The following RPSA2 variants were observed in gnomAD, a reference collection of about 807,000 sequenced individuals.
The protein encoded by RPSA2 is small ribosomal subunit protein uS2B.
chr19:23,833,992 C>T, the RPSA2 span, among the ~76,000 whole-genome samples: 81 of 151,810 alleles, frequency 5.3e-4, no homozygotes, highest in Admixed American at 1.4e-3. Context: ...TTATAAAACA[C>T]CAAAGAGTTT....
At chr19:23,868,049 C>T in the RPSA2 span, among the ~76,000 whole-genome samples, 1 of 152,040 alleles carries the variant, frequency 6.6e-6, no homozygotes, top group African/African-American at 2.4e-5. Flanking sequence ...CGGAATTCAC[C>T]GATGTTTGTT....
the RPSA2 span, among the ~76,000 whole-genome samples, chr19:23,845,272 TA>T: frequency 0.29 from 4,694 of 15,974 alleles, 118 homozygotes; most frequent in Middle Eastern, 0.5. Flanking sequence ...TGTTCTGATT[TA>T]TGTTTTTTTT....
chr19:23,818,147 T>G, the RPSA2 span: 1 of 152,228 alleles, frequency 6.6e-6, no homozygotes, highest in East Asian at 1.9e-4. Flanking sequence ...GCAAGTTTTC[T>G]TCATTTGGCA....
At chr19:23,770,641 G>C in the RPSA2 span, among the ~76,000 whole-genome samples, 1 of 152,086 alleles carries the variant, frequency 6.6e-6, no homozygotes, top group Non-Finnish European at 1.5e-5. Flanking sequence ...AGATTGTGAC[G>C]AATCACCGGT....
chr19:23,832,671 C>T, the RPSA2 span: 2 of 1,487,754 alleles, frequency 1.3e-6, no homozygotes, highest in Non-Finnish European at 1.8e-6. Flanking sequence ...TTCTATGGTT[C>T]ATTACCCTAA....
At chr19:23,848,708 C>T in the RPSA2 span, among the ~76,000 whole-genome samples, 8 of 152,232 alleles carry the variant, frequency 5.3e-5, no homozygotes, top group Middle Eastern at 3.4e-3. Context: ...ATGTGATGAT[C>T]GAGACTCATT....
At chr19:23,773,077 G>C in the RPSA2 span, among the ~76,000 whole-genome samples, 8 of 1,260 alleles carry the variant, frequency 6.3e-3, no homozygotes, top group African/African-American at 0.018. Context: ...CTCCTCCTGT[G>C]TGTATGTGTG....
chr19:23,833,161 G>A, the RPSA2 span: 322 of 1,195,544 alleles, frequency 2.7e-4, no homozygotes, highest in East Asian at 1.5e-3. Flanking sequence ...ATGTGCCAAT[G>A]CCTTTTCCTG....
At chr19:23,824,966 GTTTTGT>G in the RPSA2 span, among the ~76,000 whole-genome samples, 4 of 150,472 alleles carry the variant, frequency 2.7e-5, no homozygotes, top group Admixed American at 6.6e-5. Context: ...TGTTTGTTTT[GTTTTGT>G]TTTTGTTTTT....
chr19:23,858,692 G>C, the RPSA2 span, among the ~76,000 whole-genome samples: 1 of 147,264 alleles, frequency 6.8e-6, no homozygotes, highest in Non-Finnish European at 1.5e-5. Flanking sequence ...AATAGGAAAG[G>C]AGCTACATGT....
chr19:23,774,660 A>G, the RPSA2 span, among the ~76,000 whole-genome samples: 2 of 152,124 alleles, frequency 1.3e-5, no homozygotes, highest in East Asian at 3.9e-4. Context: ...CTTCCCTCAT[A>G]TGAGAGATTG....
At chr19:23,817,122 C>T in the RPSA2 span, among the ~76,000 whole-genome samples, 3 of 152,172 alleles carry the variant, frequency 2.0e-5, no homozygotes, top group Non-Finnish European at 4.4e-5. Context: ...TGGCTCACGC[C>T]TGTAATCCCA....
chr19:23,838,008 C>A, the RPSA2 span, among the ~76,000 whole-genome samples: 105 of 152,218 alleles, frequency 6.9e-4, 3 homozygotes, highest in South Asian at 0.021. Flanking sequence ...AGTGGGCACC[C>A]TTGTCTTGTT....
chr19:23,810,266 C>T, the RPSA2 span, among the ~76,000 whole-genome samples: 2 of 151,776 alleles, frequency 1.3e-5, no homozygotes, highest in East Asian at 1.9e-4. Context: ...TGGTGGCAGG[C>T]GCCTGTAGTC....
the RPSA2 span, among the ~76,000 whole-genome samples, chr19:23,761,906 T>TCTCTCTCTCTCTCTCTCTCTCTCTCTC: frequency 5.4e-5 from 5 of 92,100 alleles, 1 homozygote; most frequent in Admixed American, 1.4e-4. Context: ...ACGTAATTCT[T>TCTCTCTCTCTCTCTCTCTCTCTCTCTC]TCTTTCTTTC....
the RPSA2 span, among the ~76,000 whole-genome samples, chr19:23,782,853 G>A: frequency 6.6e-6 from 1 of 152,046 alleles, no homozygotes; most frequent in Non-Finnish European, 1.5e-5. Context: ...CTACCCACAA[G>A]AGACATTGTG....
At chr19:23,781,173 C>A in the RPSA2 span, among the ~76,000 whole-genome samples, 148,702 of 152,032 alleles carry the variant, frequency 0.98, 72,817 homozygotes, top group Middle Eastern at 1. Context: ...CAGGGTTTCA[C>A]CATGTTGGCC....
the RPSA2 span, among the ~76,000 whole-genome samples, chr19:23,804,321 G>GT: frequency 3.5e-3 from 1 of 282 alleles, no homozygotes; most frequent in East Asian, 0.5. Flanking sequence ...TTTTGGAGAC[G>GT]AGTCTTGCTC....
the RPSA2 span, among the ~76,000 whole-genome samples, chr19:23,822,792 A>C: frequency 6.6e-6 from 1 of 152,114 alleles, no homozygotes; most frequent in Non-Finnish European, 1.5e-5. Context: ...AAAGGTGGGT[A>C]GATTGGTGCA....
Sources: gnomAD v4.1 joint callset for allele counts (sites outside exome capture counted in the v4.1 genomes callset) on GRCh38, gnomAD v4.1.1 for gene constraint, MANE v1.5 for transcripts, NCBI Gene and HGNC (gene_info 2026-07-23, HGNC 2026-07-21) for gene names.